GLIS1: variants seen among roughly 807,000 people sequenced by gnomAD.
GLIS1 encodes GLIS family zinc finger 1.
Under a neutral mutation model 63.8 loss-of-function variants are expected in GLIS1, and 24 were observed. That is an observed-to-expected ratio of 0.38 (90% confidence interval 0.27 to 0.53). The LOEUF (loss-of-function observed/expected upper bound fraction) is 0.53. Ranked by LOEUF, GLIS1 falls within the 20% of genes least tolerant of loss-of-function variation. The pLI is 0.85. For missense variants in GLIS1, 1,036 were observed against 1,074.1 expected (o/e 0.96, Z 0.50); for synonymous variants, 450 against 482.5 (o/e 0.93, Z 0.88).
At chr1:53,699,372 T>C (rs888336772) in intron 2 of GLIS1, among the ~76,000 whole-genome samples, 1 of 152,222 alleles carries the variant, frequency 6.6e-6, no homozygotes, top group Admixed American at 6.5e-5. Context: ...CCGATTGTTC[T>C]TGATGCCTGA....
At chr1:53,604,253 G>T (rs1258073638) in intron 2 of GLIS1, among the ~76,000 whole-genome samples, 1 of 152,210 alleles carries the variant, frequency 6.6e-6, no homozygotes, top group Non-Finnish European at 1.5e-5. Flanking sequence ...TGACTCTAAG[G>T]CCAGACTCAG....
At chr1:53,517,126 C>T (rs768193636) in intron 7 of GLIS1, among the ~76,000 whole-genome samples, 15 of 151,998 alleles carry the variant, frequency 9.9e-5, no homozygotes, top group Non-Finnish European at 1.6e-4. Flanking sequence ...ACAGAGTAGG[C>T]GGCTCATCAG....
At chr1:53,517,469 G>A (rs182724150) in intron 7 of GLIS1, among the ~76,000 whole-genome samples, 4 of 152,254 alleles carry the variant, frequency 2.6e-5, no homozygotes, top group African/African-American at 2.4e-5. Context: ...GCACCTCTTC[G>A]CCTGCCATCT....
intron 4 of GLIS1, among the ~76,000 whole-genome samples, chr1:53,565,811 GA>G (rs1020903275): frequency 2.2e-4 from 33 of 149,144 alleles, no homozygotes; most frequent in Admixed American, 9.3e-4. Flanking sequence ...TCAAGGAATA[GA>G]AAAAAAAAGG....
intron 2 of GLIS1, among the ~76,000 whole-genome samples, chr1:53,710,322 G>A (rs564866906): frequency 3.2e-4 from 48 of 152,368 alleles, no homozygotes; most frequent in Non-Finnish European, 3.8e-4. Context: ...GGGCCATAGC[G>A]TGGAGCCCCT....
chr1:53,577,128 C>T (rs1645039627), intron 4 of GLIS1, among the ~76,000 whole-genome samples: 1 of 151,046 alleles, frequency 6.6e-6, no homozygotes, highest in Non-Finnish European at 1.5e-5. Context: ...GCTCCTCCAG[C>T]CTCCCCCCCC....
intron 2 of GLIS1, among the ~76,000 whole-genome samples, chr1:53,695,662 G>A (rs1557526800): frequency 6.6e-6 from 1 of 152,198 alleles, no homozygotes; most frequent in Non-Finnish European, 1.5e-5. Flanking sequence ...GGAGGGGCGC[G>A]GGGTGGTAGA....
intron 2 of GLIS1, among the ~76,000 whole-genome samples, chr1:53,623,550 G>A (rs945012322): frequency 1.3e-5 from 2 of 152,064 alleles, no homozygotes; most frequent in African/African-American, 4.8e-5. Flanking sequence ...GTGCAGTTCA[G>A]TAAGAAAGGA....
chr1:53,609,959 A>G (rs1645409783), intron 2 of GLIS1, among the ~76,000 whole-genome samples: 1 of 152,196 alleles, frequency 6.6e-6, no homozygotes, highest in Non-Finnish European at 1.5e-5. Context: ...GTGTATCTCT[A>G]AACAGAAAAA....
Position 53,683,261 on chromosome 1 carries a change from C to T in GLIS1, c.259+54545G>A, listed in dbSNP as rs147277878. ...ACCAATGGCCAGGTGCTCATCCAAGCGCTCACACTCAGTAACCCGCTAACG... is the reference window on the plus strand; with the variant it reads ...ACCAATGGCCAGGTGCTCATCCAAGTGCTCACACTCAGTAACCCGCTAACG... On this transcript the variant is annotated intron_variant, in intron 2 of 10. Transcript: ENST00000628545. Among the ~76,000 whole-genome samples, 315 of 152,282 alleles carry T rather than the reference C, an allele frequency of 2.1e-3. 2 individuals carry two copies. Among genetic ancestry groups the T allele is most frequent in the Non-Finnish European group, 2.6e-3 (179 of 68,028 alleles).
At position 53,522,154 on chromosome 1, in the gene GLIS1, G is replaced by A. The variant is rs548331504; in HGVS notation, c.1594-1388C>T. Among the ~76,000 whole-genome samples the A allele has an allele frequency of 1.6e-4, 24 of 152,380 alleles. No homozygotes were observed. In the South Asian group the frequency reaches 2.1e-3, roughly 13 times the overall value. On this transcript the variant is annotated intron_variant, in intron 6 of 10. Transcript: ENST00000628545. ...GCATGTTCTTGTAGACCGCAATGTC[G>A]ATCGGATTAGGAGCAGCAGGAGAGG...
chr1:53,589,510 C>T (rs1477088143), intron 4 of GLIS1, among the ~76,000 whole-genome samples: 1 of 152,202 alleles, frequency 6.6e-6, no homozygotes, highest in East Asian at 1.9e-4. Context: ...GCAAGGCCCT[C>T]CCGGCAGGTC....
intron 4 of GLIS1, among the ~76,000 whole-genome samples, chr1:53,591,449 G>A (rs940050976): frequency 5.9e-5 from 9 of 152,234 alleles, no homozygotes; most frequent in African/African-American, 2.2e-4. Flanking sequence ...CAAGAGCATT[G>A]CAGTTTGGAA....
At chr1:53,720,061 A>C (rs994878641) in intron 2 of GLIS1, among the ~76,000 whole-genome samples, 11 of 152,208 alleles carry the variant, frequency 7.2e-5, no homozygotes, top group African/African-American at 2.7e-4. Flanking sequence ...CTGTAATCCC[A>C]GCTACTCAGG....
At chr1:53,528,583 C>A (rs2100327019) in intron 5 of GLIS1, among the ~76,000 whole-genome samples, 1 of 152,282 alleles carries the variant, frequency 6.6e-6, no homozygotes, top group South Asian at 2.1e-4. Flanking sequence ...AAGAACATTG[C>A]TTCCCTGCTG....
chr1:53,670,070 CAA>C (rs1646135573), intron 2 of GLIS1, among the ~76,000 whole-genome samples: 1 of 152,208 alleles, frequency 6.6e-6, no homozygotes, highest in Admixed American at 6.5e-5. Context: ...AAGCATAAAA[CAA>C]GAGTGGCTCA....
At chr1:53,653,637 T>C (rs1157491044) in intron 2 of GLIS1, among the ~76,000 whole-genome samples, 1 of 152,232 alleles carries the variant, frequency 6.6e-6, no homozygotes, top group Non-Finnish European at 1.5e-5. Context: ...CCTGTCTTCC[T>C]GATCGCCATG....
chr1:53,665,840 A>G (rs776861001), intron 2 of GLIS1, among the ~76,000 whole-genome samples: 1 of 152,136 alleles, frequency 6.6e-6, no homozygotes, highest in African/African-American at 2.4e-5. Context: ...GTCAAATACA[A>G]TGACGCCTAA....
chr1:53,721,939 CA>C (rs1646759846), intron 2 of GLIS1, among the ~76,000 whole-genome samples: 1 of 152,098 alleles, frequency 6.6e-6, no homozygotes, highest in Non-Finnish European at 1.5e-5. Context: ...TCCCTAATGA[CA>C]GCACTTTAAA....
Sources: gnomAD v4.1 joint callset for allele counts (sites outside exome capture counted in the v4.1 genomes callset) on GRCh38, gnomAD v4.1.1 for gene constraint, MANE v1.5 for transcripts, NCBI Gene and HGNC (gene_info 2026-07-23, HGNC 2026-07-21) for gene names.